The following PLCB3 variants were observed in gnomAD, a reference collection of about 807,000 sequenced individuals.
The protein encoded by PLCB3 is 1-phosphatidylinositol 4,5-bisphosphate phosphodiesterase beta-3.
PLCB3 carries 54 observed loss-of-function variants against 152.1 expected under a neutral mutation model. That is an observed-to-expected ratio of 0.36 (90% CI 0.29 to 0.45). PLCB3 has a LOEUF of 0.45. PLCB3 is among the 20% of genes least tolerant of loss of function. PLCB3 has a pLI of 1.00. For synonymous variants in PLCB3, 717 were observed against 698.7 expected, an observed-to-expected ratio of 1.03 and a Z score of -0.41; for missense variants, 1,248 against 1,687.5, an observed-to-expected ratio of 0.74 and a Z score of 4.56.
chr11:64,261,195 CT>C lies in PLCB3; in HGVS notation c.1732-203del, dbSNP rs570819477. Among the ~76,000 whole-genome samples, 9 of 152,224 alleles carry C rather than the reference CT, an allele frequency of 5.9e-5. No individual in the cohort carries two copies. The South Asian group carries it at 1.9e-3, about 32-fold the overall frequency. On this transcript the variant is annotated intron_variant, in intron 14 of 30. Transcript: ENST00000279230. ...TGGCGGGCGCCTGTAATCCCAGCTACTTGGGAGGCTGAGGCAGGAAAATTGC... is the reference window on the plus strand; with the variant it reads ...TGGCGGGCGCCTGTAATCCCAGCTACTGGGAGGCTGAGGCAGGAAAATTGC...
Position 64,258,824 on chromosome 11 carries a change from C to A in PLCB3, c.1254-61C>A. 2.5e-6 allele frequency: 4 copies of A among 1,607,406 alleles called. No homozygotes were observed. Among genetic ancestry groups the A allele is most frequent in the Non-Finnish European group, 3.4e-6 (4 of 1,174,220 alleles). On this transcript the variant is annotated intron_variant, in intron 11 of 30. Coordinates refer to ENST00000279230, the MANE Select transcript of PLCB3 (RefSeq NM_000932.5). The surrounding 1 kb of genome is among the most constrained non-coding windows in gnomAD (Gnocchi z 7.2). ...CCCTGCGAACGGCCACTGACATGTC[C>A]CGTAGACCTCAGCTTCCTCTCTGGG...
chr11:64,256,710 AC>A lies in PLCB3; in HGVS notation c.961del (p.Gln321SerfsTer3). 6.2e-7 allele frequency: 1 copy of A among 1,613,998 alleles called. No individual in the cohort carries two copies. Among genetic ancestry groups the A allele is most frequent in the Non-Finnish European group, 8.5e-7 (1 of 1,180,024 alleles). On this transcript the variant is annotated frameshift_variant, in exon 10 of 31. Transcript: ENST00000279230. LOFTEE classifies it high-confidence loss of function. ...AGCCCTGGATCTGAGCACGGACATG[AC>A]CCAGCCACTGAGTGCCTACTTCATC... is the stretch of plus-strand genomic sequence containing the variant. ...LEALDLSTDMTQPLSAYFINS... is the reference protein window; with the variant it reads ...LEALDLSTDMXQPLSAYFINS...
At chr11:64,263,924 G>A (rs1213462822) in intron 21 of PLCB3, 97 bp from the exon 22 acceptor site, 3 of 1,206,342 alleles carry the variant, frequency 2.5e-6, no homozygotes, top group Non-Finnish European at 3.6e-6. Flanking sequence ...ACAGATCTGA[G>A]GACAAGCTCT....
intron 1 of PLCB3, 85 bp downstream of exon 1, chr11:64,251,833 C>A: frequency 1.3e-6 from 1 of 754,186 alleles, no homozygotes; most frequent in Non-Finnish European, 1.9e-6. Context: ...CCACCCCAGC[C>A]TCGCCTGCCC....
chr11:64,268,409 TGG>T (rs1050846357), downstream of PLCB3: 12 of 152,246 alleles, frequency 7.9e-5, no homozygotes, highest in African/African-American at 2.9e-4. Context: ...CCTGTGACTC[TGG>T]GGGAAGGGAA....
chr11:64,255,758 T>C lies in PLCB3; in HGVS notation c.635T>C (p.Ile212Thr), dbSNP rs2031494873. The change falls in exon 8 of 31, where the codon ATC becomes ACC. Residue 212 changes from isoleucine to threonine, a missense_variant. Around this residue, in one of 6 missense-constraint regions of PLCB3, gnomAD observed 299 missense variants for 434.7 expected, o/e 0.69. Transcript: ENST00000279230. This position sits in a 1 kb window ranked among gnomAD's most constrained non-coding sequence, Gnocchi z 6.8. ...SIRPDEFSLEIFERFLNKLCL... is the reference protein window; with the variant it reads ...SIRPDEFSLETFERFLNKLCL... The stretch of plus-strand genomic sequence containing the variant: ...CGGCCTGATGAGTTTTCCTTGGAAA[T>C]CTTTGAGCGGTTCCTGAACAAGCTG... The C allele has an allele frequency of 6.2e-7, 1 of 1,614,048 alleles. No homozygotes were observed. The highest frequency in any genetic ancestry group is 8.5e-7 in the Non-Finnish European group (1 of 1,179,980).
intron 22 of PLCB3, among the ~76,000 whole-genome samples, chr11:64,264,450 G>A (rs943406745): frequency 6.6e-6 from 1 of 152,152 alleles, no homozygotes; most frequent in Non-Finnish European, 1.5e-5. Flanking sequence ...GTCAGGCACG[G>A]AGGTTCACCT....
chr11:64,255,497 A>G lies in PLCB3; in HGVS notation c.522-44A>G. 6.2e-7 allele frequency: 1 copy of G among 1,613,792 alleles called. No individual in the cohort carries two copies. Among genetic ancestry groups the G allele is most frequent in the Non-Finnish European group, 8.5e-7 (1 of 1,179,770 alleles). On this transcript the variant is annotated intron_variant, in intron 6 of 30. Coordinates refer to ENST00000279230, the MANE Select transcript of PLCB3 (RefSeq NM_000932.5). The surrounding 1 kb of genome is among the most constrained non-coding windows in gnomAD (Gnocchi z 6.8). ...CCTTCCTCCTGCCCTGACCTTGGTG[A>G]CCTTTGTCCTCCACTGACCCTGAAC...
At position 64,267,087 on chromosome 11, in the gene PLCB3, C is replaced by T. The variant is rs2032160794; in HGVS notation, c.3415-98C>T. On this transcript the variant is annotated intron_variant, in intron 29 of 30. Coordinates refer to ENST00000279230, the MANE Select transcript of PLCB3 (RefSeq NM_000932.5). The surrounding 1 kb of genome is among the most constrained non-coding windows in gnomAD (Gnocchi z 5.2). ...GGGATTATAGATGTGAGCCACTGCA[C>T]CCGGCCTCGCCCACCTGACTTCTAT... is the stretch of plus-strand genomic sequence containing the variant. 9.4e-7 allele frequency: 1 copy of T among 1,069,342 alleles called. No homozygotes were observed. The allele number at this position is 1,069,342 out of a possible 1,614,324, so 66.2% of individuals were successfully genotyped here.
Position 64,255,705 on chromosome 11 carries a change from A to G in PLCB3, c.598-16A>G. The G allele has an allele frequency of 1.2e-6, 2 of 1,612,074 alleles. No homozygotes were observed. Among genetic ancestry groups the G allele is most frequent in the Middle Eastern group, 1.7e-4 (1 of 6,046 alleles). On this transcript the variant is annotated splice_polypyrimidine_tract_variant and intron_variant, in intron 7 of 30. Transcript: ENST00000279230. The surrounding 1 kb of genome is among the most constrained non-coding windows in gnomAD (Gnocchi z 6.8). ...GCCCGCCCCTGGCTTCTCACCCCAC[A>G]CTCCTCGACCTCCAGAGTGAGTCCA...
intron 21 of PLCB3, 75 bp downstream of exon 21, chr11:64,263,870 G>C (rs1812818974): frequency 3.8e-6 from 5 of 1,326,678 alleles, no homozygotes; most frequent in Non-Finnish European, 5.4e-6. Flanking sequence ...GCCTGGGAGT[G>C]GCCGAGCTGG....
rs2135032469 is a variant in PLCB3, at chr11:64,251,649, C to T, written c.-1C>T. On this transcript the variant is annotated 5_prime_UTR_variant, in exon 1 of 31. Coordinates refer to ENST00000279230, the MANE Select transcript of PLCB3 (RefSeq NM_000932.5). ...GTCCCCGACCCGCCCCTGGCCGGGC[C>T]ATGGCGGGCGCCCAGCCCGGCGTCC... 6.8e-7 allele frequency: 1 copy of T among 1,460,160 alleles called. No homozygotes were observed. The highest frequency in any genetic ancestry group is 9.1e-7 in the Non-Finnish European group (1 of 1,101,036). 90.5% of individuals were successfully genotyped at this position (1,460,160 alleles called of 1,614,324 possible). A position where few individuals can be genotyped will look rare whatever the true frequency, so the allele number is the denominator to read the frequency against.
At chr11:64,262,112 T>A (rs1466037405) in intron 17 of PLCB3, 36 bp downstream of exon 17, 11 of 1,613,036 alleles carry the variant, frequency 6.8e-6, no homozygotes, top group Non-Finnish European at 9.3e-6. Context: ...ACCCCGACCC[T>A]CAGTCTTACT....
At chr11:64,268,580 G>A (rs2032257895), downstream of PLCB3, 1 of 152,360 alleles carries the variant, frequency 6.6e-6, no homozygotes, top group African/African-American at 2.4e-5. Flanking sequence ...CCTGGAGGCA[G>A]GGCAGGCCTG....
chr11:64,262,341 C>T (rs1485443601), intron 17 of PLCB3, 66 bp from the exon 18 acceptor site: 1 of 1,572,766 alleles, frequency 6.4e-7, no homozygotes, highest in African/African-American at 1.3e-5. Flanking sequence ...TGATGATCTC[C>T]CATTCCCCAC....
In PLCB3 at chr11:64,265,940, G is replaced by C; in HGVS notation, c.3090G>C (p.Arg1030=). Residue 1030 remains arginine, a synonymous_variant, in exon 26 of 31, where the codon CGG becomes CGC. Transcript: ENST00000279230. ...DTKEGEDEAK[R]YQEFQNRQVQ... is the part of the protein sequence containing the mutation. ...AGGAGGGGGAGGACGAGGCAAAGCGGTATCAGGAGTTCCAGAACAGACAGG... is the reference window on the plus strand; with the variant it reads ...AGGAGGGGGAGGACGAGGCAAAGCGCTATCAGGAGTTCCAGAACAGACAGG... 6.2e-7 allele frequency: 1 copy of C among 1,613,824 alleles called. No individual in the cohort carries two copies. Among genetic ancestry groups the C allele is most frequent in the South Asian group, 1.1e-5 (1 of 91,066 alleles).
intron 10 of PLCB3, among the ~76,000 whole-genome samples, chr11:64,257,016 T>TC (rs1555061407): frequency 5.8e-5 from 7 of 120,588 alleles, no homozygotes; most frequent in South Asian, 2.9e-4. Flanking sequence ...TTTTTTTTTT[T>TC]TTTTTGAGAC....
Position 64,256,532 on chromosome 11 carries a change from T to A in PLCB3, c.855T>A (p.Phe285Leu). 6.2e-7 allele frequency: 1 copy of A among 1,613,814 alleles called. No individual in the cohort carries two copies. The highest frequency in any genetic ancestry group is 8.5e-7 in the Non-Finnish European group (1 of 1,179,932). ...AAAAGTATGAGCCCAACCAGCAGTTTCTGGAGCGAGGTGAGCTGGCTGGGG... is the reference window on the plus strand; with the variant it reads ...AAAAGTATGAGCCCAACCAGCAGTTACTGGAGCGAGGTGAGCTGGCTGGGG... ...LIEKYEPNQQ[F>L]LERDQMSMEG... The change falls in exon 9 of 31, where the codon TTT (phenylalanine) becomes TTA (leucine). Residue 285 changes from phenylalanine (F) to leucine (L), a missense_variant. This residue lies in a region of PLCB3 where 299 missense variants were observed against 434.7 expected (regional missense o/e 0.69). Transcript: ENST00000279230.
At chr11:64,261,150 C>T (rs2031826856) in intron 14 of PLCB3, among the ~76,000 whole-genome samples, 1 of 152,078 alleles carries the variant, frequency 6.6e-6, no homozygotes, top group Non-Finnish European at 1.5e-5. Context: ...ACTAAAAATA[C>T]ATAAATTAGC....
Sources: gnomAD v4.1 joint callset for allele counts (sites outside exome capture counted in the v4.1 genomes callset) on GRCh38, gnomAD v4.1.1 for gene constraint, gnomAD v4.1.1 regional missense constraint, Gnocchi (gnomAD v3.1) non-coding constraint, MANE v1.5 for transcripts, NCBI Gene and HGNC (gene_info 2026-07-23, HGNC 2026-07-21) for gene names.